The following BICRAL variants were observed in gnomAD, a reference collection of about 807,000 sequenced individuals.
The protein encoded by BICRAL is BRD4-interacting chromatin-remodeling complex-associated protein-like.
In BICRAL, 8 loss-of-function variants were observed where a neutral mutation model predicts 91.8. The ratio of observed to expected loss-of-function variants is 0.09; its 90% CI spans 0.05 to 0.16. The LOEUF (loss-of-function observed/expected upper bound fraction) is 0.16, where lower values mean the gene tolerates loss of function less well. Ranked by LOEUF, BICRAL falls within the 10% of genes least tolerant of loss-of-function variation. BICRAL has a pLI of 1.00. For missense variants in BICRAL, 1,038 were observed against 1,310.9 expected (o/e 0.79, Z 3.21); for synonymous variants, 445 against 491.1 (o/e 0.91, Z 1.24).
intron 1 of BICRAL, among the ~76,000 whole-genome samples, chr6:42,773,249 T>G (rs368777661): frequency 3.3e-5 from 5 of 151,966 alleles, no homozygotes; most frequent in African/African-American, 1.2e-4. Context: ...CAGCTAATTT[T>G]TGTATTTTTG....
In BICRAL at chr6:42,747,341, T is replaced by C. The variant is rs1388047053; in HGVS notation, c.-261+318T>C. On this transcript the variant is annotated intron_variant, in intron 1 of 14. Coordinates refer to the BICRAL transcript ENST00000614467. ...CCCTGCCCGCCCTTCCAACCCTAGG[T>C]TTCCTCCTTATATCCCCAGTTCCCA... Among the ~76,000 whole-genome samples, 4 of 152,096 alleles carry C rather than the reference T, an allele frequency of 2.6e-5. No individual in the cohort carries two copies. The East Asian group carries it at 5.8e-4, about 22-fold the overall frequency.
At chr6:42,747,899 A>G (rs1762310375) in intron 1 of BICRAL, among the ~76,000 whole-genome samples, 1 of 146,422 alleles carries the variant, frequency 6.8e-6, no homozygotes, top group Admixed American at 7.0e-5. Context: ...CCGCCTCCCG[A>G]GTTCAAGTGA....
chr6:42,864,344 A>C (rs145121676), intron 12 of BICRAL, among the ~76,000 whole-genome samples: 2 of 152,312 alleles, frequency 1.3e-5, no homozygotes, highest in Non-Finnish European at 2.9e-5. Context: ...CATCTCAAAA[A>C]AAATAAAATG....
upstream of BICRAL, among the ~76,000 whole-genome samples, chr6:42,779,060 T>TA (rs547958898): frequency 1.7e-4 from 26 of 151,656 alleles, no homozygotes; most frequent in South Asian, 2.7e-3. Flanking sequence ...TCTAAAAAAC[T>TA]AAAAAAATTG....
At chr6:42,783,560 C>T (rs772658670) in intron 1 of BICRAL, among the ~76,000 whole-genome samples, 14 of 152,040 alleles carry the variant, frequency 9.2e-5, no homozygotes, top group Non-Finnish European at 2.1e-4. Context: ...ATCTCGATGA[C>T]CAGGGCGCCG....
At chr6:42,857,614 A>AAAAAAAATATATATATATAT in intron 10 of BICRAL, among the ~76,000 whole-genome samples, 9 of 96,234 alleles carry the variant, frequency 9.4e-5, no homozygotes, top group African/African-American at 5.9e-4. Flanking sequence ...AAAAAAAAAA[A>AAAAAAAATATATATATATAT]ATATATATAT....
At chr6:42,790,848 C>T (rs1351904502) in intron 1 of BICRAL, among the ~76,000 whole-genome samples, 1 of 151,704 alleles carries the variant, frequency 6.6e-6, no homozygotes, top group African/African-American at 2.4e-5. Context: ...GAGGAAAATA[C>T]AGTGAGTGAA....
intron 5 of BICRAL, among the ~76,000 whole-genome samples, chr6:42,826,997 G>T (rs1190093501): frequency 2.0e-5 from 3 of 152,042 alleles, no homozygotes; most frequent in African/African-American, 7.2e-5. Flanking sequence ...TGTTGGTCAG[G>T]CTGGTCTCAA....
chr6:42,817,421 A>G (rs1183242232), intron 2 of BICRAL, among the ~76,000 whole-genome samples: 2 of 152,020 alleles, frequency 1.3e-5, no homozygotes, highest in Non-Finnish European at 2.9e-5. Flanking sequence ...TATAATTTAC[A>G]TACCATAAAA....
intron 1 of BICRAL, among the ~76,000 whole-genome samples, chr6:42,798,432 C>T (rs570708588): frequency 8.5e-5 from 13 of 152,082 alleles, no homozygotes; most frequent in Non-Finnish European, 1.3e-4. Flanking sequence ...CATGGTGGCT[C>T]ATACCTGTAA....
chr6:42,782,034 G>GCCGCCGCCGCCGCCC (rs1206573363), upstream of BICRAL: 1 of 146,758 alleles, frequency 6.8e-6, no homozygotes, highest in Non-Finnish European at 1.5e-5. Flanking sequence ...GCCCGCCGCC[G>GCCGCCGCCGCCGCCC]CCGCCGCCGC....
chr6:42,793,260 C>T lies in BICRAL; in HGVS notation c.-102+11159C>T, dbSNP rs187271449. On this transcript the variant is annotated intron_variant, in intron 1 of 12. Transcript: ENST00000314073. ...CCAGGTCCATGCCATTCTCCTGCCT[C>T]AGCCTCCCGAGTAGCTGGGATTACA... 6.1e-3 allele frequency among the ~76,000 whole-genome samples: 806 copies of T among 132,502 alleles called. 11 individuals carry two copies. Among genetic ancestry groups the T allele is most frequent in the African/African-American group, 0.022 (778 of 35,650 alleles). 86.9% of individuals were successfully genotyped at this position (132,502 alleles called of 152,430 possible).
intron 8 of BICRAL, among the ~76,000 whole-genome samples, chr6:42,854,950 C>T (rs762474904): frequency 2.0e-5 from 3 of 152,072 alleles, no homozygotes; most frequent in Non-Finnish European, 4.4e-5. Flanking sequence ...TGGAAGGAAA[C>T]ATTTCTTGTT....
upstream of BICRAL, among the ~76,000 whole-genome samples, chr6:42,780,276 G>T (rs922042082): frequency 2.6e-5 from 4 of 152,060 alleles, no homozygotes; most frequent in East Asian, 7.7e-4. Flanking sequence ...ATGCAACATA[G>T]TCCAGTTACA....
chr6:42,844,459 A>G (rs1764921676), intron 6 of BICRAL, among the ~76,000 whole-genome samples: 1 of 135,588 alleles, frequency 7.4e-6, no homozygotes, highest in Admixed American at 8.3e-5. Flanking sequence ...CAGTGAGCCG[A>G]GATCGCGCCA....
At chr6:42,814,242 T>G (rs80134735) in intron 2 of BICRAL, among the ~76,000 whole-genome samples, 2 of 146,406 alleles carry the variant, frequency 1.4e-5, no homozygotes, top group Non-Finnish European at 1.5e-5. Context: ...TGGGTTTTTT[T>G]TTTTTTTTTT....
At chr6:42,769,612 G>T (rs976054565) in intron 1 of BICRAL, among the ~76,000 whole-genome samples, 2 of 152,188 alleles carry the variant, frequency 1.3e-5, no homozygotes, top group Non-Finnish European at 2.9e-5. Flanking sequence ...AGAGCATCAA[G>T]CTCACTGTCT....
chr6:42,826,130 T>G (rs907532912), intron 5 of BICRAL, among the ~76,000 whole-genome samples: 7 of 151,126 alleles, frequency 4.6e-5, no homozygotes, highest in Admixed American at 1.3e-4. Flanking sequence ...ATGAGGAAAC[T>G]AAAGCACAGA....
intron 10 of BICRAL, among the ~76,000 whole-genome samples, chr6:42,859,697 A>G (rs1765492657): frequency 6.6e-6 from 1 of 152,024 alleles, no homozygotes; most frequent in Non-Finnish European, 1.5e-5. Context: ...GCTGGAGTGC[A>G]GTGGCACGAT....
Sources: allele counts gnomAD v4.1 joint callset (sites outside exome capture counted in the v4.1 genomes callset), GRCh38; gene constraint gnomAD v4.1.1; transcripts MANE v1.5; gene names NCBI Gene and HGNC (gene_info 2026-07-23, HGNC 2026-07-21).